Variants in CADM1 observed in about 807,000 individuals in gnomAD.
The protein encoded by CADM1 is cell adhesion molecule 1, also known as TSLC-1.
In CADM1, 15 loss-of-function variants were observed where a neutral mutation model predicts 53.1. The observed-to-expected ratio is 0.28, with a 90% CI of 0.19 to 0.44. CADM1 has a LOEUF of 0.44. CADM1 is among the 20% of genes least tolerant of loss of function. The probability of loss-of-function intolerance (pLI) is 1.00; values close to 1 mark genes in which losing one functional copy is unlikely to be tolerated. For missense variants in CADM1, 434 were observed against 611.3 expected (o/e 0.71, Z 3.06); for synonymous variants, 281 against 243.0 (o/e 1.16, Z -1.45).
chr11:115,329,243 T>C (rs1341951871), intron 1 of CADM1, among the ~76,000 whole-genome samples: 2 of 152,150 alleles, frequency 1.3e-5, no homozygotes, highest in African/African-American at 2.4e-5. Flanking sequence ...GTGTGGTATA[T>C]CAGTACCCAA....
At chr11:115,433,056 A>G (rs143881965) in intron 1 of CADM1, among the ~76,000 whole-genome samples, 1 of 152,284 alleles carries the variant, frequency 6.6e-6, no homozygotes, top group East Asian at 1.9e-4. Flanking sequence ...ATAGATGTGT[A>G]AGTCACAAAG....
At chr11:115,178,565 A>G in intron 11 of CADM1, 79 bp downstream of exon 11, 1 of 1,461,772 alleles carries the variant, frequency 6.8e-7, no homozygotes, top group Non-Finnish European at 9.5e-7. Flanking sequence ...CAAATTGCCT[A>G]TCAAGGACAA....
intron 9 of CADM1, among the ~76,000 whole-genome samples, chr11:115,195,687 C>G (rs554245808): frequency 6.6e-6 from 1 of 152,204 alleles, no homozygotes; most frequent in Non-Finnish European, 1.5e-5. Context: ...GTATCATCAT[C>G]TCTTTGGAAA....
intron 5 of CADM1, among the ~76,000 whole-genome samples, chr11:115,219,285 T>C (rs1012451041): frequency 2.0e-5 from 3 of 152,198 alleles, no homozygotes; most frequent in Non-Finnish European, 4.4e-5. Context: ...TGTACACAGC[T>C]ATATAAGCTG....
At chr11:115,364,479 A>G (rs1219603593) in intron 1 of CADM1, among the ~76,000 whole-genome samples, 1 of 152,062 alleles carries the variant, frequency 6.6e-6, no homozygotes, top group African/African-American at 2.4e-5. Flanking sequence ...GCACACATCT[A>G]TCATGGCCAT....
chr11:115,204,578 T>G (rs74196688), intron 8 of CADM1, among the ~76,000 whole-genome samples: 3 of 152,084 alleles, frequency 2.0e-5, no homozygotes, highest in African/African-American at 7.2e-5. Context: ...GCTAAGACCC[T>G]GGGGAATAGC....
intron 1 of CADM1, among the ~76,000 whole-genome samples, chr11:115,433,333 AGT>A (rs1948103960): frequency 6.6e-6 from 1 of 152,216 alleles, no homozygotes; most frequent in African/African-American, 2.4e-5. Flanking sequence ...TATTCAAGTG[AGT>A]GTCTCACAGG....
At chr11:115,231,854 CACATGCCTGTA>C (rs1941826581) in intron 3 of CADM1, among the ~76,000 whole-genome samples, 1 of 152,120 alleles carries the variant, frequency 6.6e-6, no homozygotes, top group Non-Finnish European at 1.5e-5. Context: ...GGCACGGCGG[CACATGCCTGTA>C]ATCCCAGCTA....
Position 115,169,383 on chromosome 11 carries a change from G to A in CADM1, c.*7091C>T. 2.9e-6 allele frequency: 1 copy of A among 342,880 alleles called. No individual in the cohort carries two copies. Among genetic ancestry groups the A allele is most frequent in the Non-Finnish European group, 5.8e-6 (1 of 173,350 alleles). 21.2% of individuals were successfully genotyped at this position (342,880 alleles called of 1,614,324 possible). On this transcript the variant is annotated 3_prime_UTR_variant, in exon 12 of 12. Transcript: ENST00000331581. ...ATAAACTGTCTTAAGCATCTCCCGG[G>A]CTACATTTCTGGCTGTGTTAAGAAT...
At chr11:115,289,635 G>A (rs572461931) in intron 1 of CADM1, among the ~76,000 whole-genome samples, 117 of 130,454 alleles carry the variant, frequency 9.0e-4, no homozygotes, top group Non-Finnish European at 1.3e-3. Flanking sequence ...TCGCTCTGTC[G>A]CCCAGGCTGG....
At chr11:115,263,187 G>T (rs983663681) in intron 1 of CADM1, among the ~76,000 whole-genome samples, 3 of 152,208 alleles carry the variant, frequency 2.0e-5, no homozygotes, top group Admixed American at 1.3e-4. Context: ...CGGTCAAGGT[G>T]ATGTATGCCA....
intron 1 of CADM1, among the ~76,000 whole-genome samples, chr11:115,400,637 A>ATGTGTGTG (rs1166167079): frequency 3.5e-5 from 3 of 86,004 alleles, no homozygotes; most frequent in Admixed American, 1.4e-4. Flanking sequence ...TGTATCATAT[A>ATGTGTGTG]TATGTGTGTG....
intron 1 of CADM1, among the ~76,000 whole-genome samples, chr11:115,378,504 C>T (rs370197369): frequency 2.0e-4 from 30 of 152,024 alleles, no homozygotes; most frequent in East Asian, 1.6e-3. Flanking sequence ...AAGTATAAGT[C>T]AATAAGTACA....
intron 1 of CADM1, among the ~76,000 whole-genome samples, chr11:115,364,738 A>T (rs1023280969): frequency 1.3e-5 from 2 of 152,208 alleles, no homozygotes; most frequent in African/African-American, 4.8e-5. Flanking sequence ...CATTTGGCAC[A>T]TTATCACTCT....
intron 10 of CADM1, chr11:115,179,260 A>G (rs1939195230): frequency 5.5e-6 from 1 of 182,036 alleles, no homozygotes. Flanking sequence ...CAAAAGCCAC[A>G]GTTGCCTAGA....
At chr11:115,318,352 T>C (rs1482768688) in intron 1 of CADM1, among the ~76,000 whole-genome samples, 4 of 152,128 alleles carry the variant, frequency 2.6e-5, no homozygotes, top group Admixed American at 1.3e-4. Context: ...AGAAATCACA[T>C]CCTAATGTTC....
At chr11:115,492,297 G>C (rs927827386) in intron 1 of CADM1, among the ~76,000 whole-genome samples, 2 of 152,066 alleles carry the variant, frequency 1.3e-5, no homozygotes, top group Non-Finnish European at 2.9e-5. Flanking sequence ...AAAATTGAAA[G>C]GATATACAAG....
chr11:115,312,519 C>T (rs1363583885), intron 1 of CADM1, among the ~76,000 whole-genome samples: 1 of 152,142 alleles, frequency 6.6e-6, no homozygotes, highest in Non-Finnish European at 1.5e-5. Flanking sequence ...AGGAAAAACA[C>T]CTACTTCTAC....
chr11:115,392,980 A>C (rs1946876610), intron 1 of CADM1, among the ~76,000 whole-genome samples: 1 of 145,448 alleles, frequency 6.9e-6, no homozygotes, highest in Non-Finnish European at 1.5e-5. Context: ...TTGGGCCAGG[A>C]GCTCAGGGCT....
Sources: gnomAD v4.1 joint callset for allele counts (sites outside exome capture counted in the v4.1 genomes callset) on GRCh38, gnomAD v4.1.1 for gene constraint, MANE v1.5 for transcripts, NCBI Gene and HGNC (gene_info 2026-07-23, HGNC 2026-07-21) for gene names.